The following KANK1 variants were observed in gnomAD, a reference collection of about 807,000 sequenced individuals.
The protein encoded by KANK1 is KN motif and ankyrin repeat domain-containing protein 1.
KANK1 carries 109 observed loss-of-function variants against 106.2 expected under a neutral mutation model. The observed-to-expected ratio is 1.03, with a 90% CI of 0.88 to 1.20. The LOEUF is 1.20. Ranked by LOEUF, KANK1 falls within the 50% of genes most tolerant of loss-of-function variation. The pLI is 0.00. For synonymous variants in KANK1, 873 were observed against 652.2 expected (o/e 1.34, Z -5.16); for missense variants, 2,399 against 1,710.7 (o/e 1.40, Z -7.10).
At chr9:474,441 T>C (rs1407953460) in intron 3 of KANK1, among the ~76,000 whole-genome samples, 1 of 152,226 alleles carries the variant, frequency 6.6e-6, no homozygotes, top group African/African-American at 2.4e-5. Flanking sequence ...ATGAGATGTA[T>C]GAGGGCTAAA....
Position 654,814 on chromosome 9 carries a change from TGAGAGAGAGAGAGAGA to T in KANK1, c.-83-22057_-83-22042del, listed in dbSNP as rs57089042. Among the ~76,000 whole-genome samples the T allele has an allele frequency of 7.2e-4, 58 of 80,528 alleles. 1 individual carries two copies. In the East Asian group the frequency reaches 0.012, roughly 16 times the overall value. The allele number at this position is 80,528 out of a possible 152,430, so 52.8% of individuals were successfully genotyped here. ...CAATATGCATTTGTGTGTGTGTGTG[TGAGAGAGAGAGAGAGA>T]GAGAGAGAGAGAGAGAGATAAAGGG... On this transcript the variant is annotated intron_variant, in intron 1 of 11. Coordinates refer to ENST00000382297, the MANE Select transcript of KANK1 (RefSeq NM_015158.5).
intron 6 of KANK1, 191 bp downstream of exon 6, chr9:732,808 G>A: frequency 1.9e-6 from 1 of 530,732 alleles, no homozygotes; most frequent in African/African-American, 1.9e-5. Context: ...TGGTAGAATG[G>A]CCTGGTACCT....
intron 1 of KANK1, among the ~76,000 whole-genome samples, chr9:524,223 C>A (rs1246787919): frequency 6.6e-6 from 1 of 151,826 alleles, no homozygotes; most frequent in African/African-American, 2.4e-5. Flanking sequence ...CTTCAACTTG[C>A]TGGTGAAGTA....
At chr9:594,721 C>T (rs745444098) in intron 1 of KANK1, among the ~76,000 whole-genome samples, 8 of 151,610 alleles carry the variant, frequency 5.3e-5, no homozygotes, top group African/African-American at 9.8e-5. Flanking sequence ...AAATATTGAA[C>T]GTGATTTCAG....
chr9:625,223 G>C (rs1027456147), intron 1 of KANK1, among the ~76,000 whole-genome samples: 1 of 152,172 alleles, frequency 6.6e-6, no homozygotes, highest in Admixed American at 6.5e-5. Flanking sequence ...GGAAAGATTT[G>C]TTTAAACATA....
At chr9:706,567 GC>G (rs1452137653) in intron 2 of KANK1, among the ~76,000 whole-genome samples, 6 of 69,734 alleles carry the variant, frequency 8.6e-5, no homozygotes, top group Non-Finnish European at 1.9e-4. Flanking sequence ...TCTGTATGTG[GC>G]TTTTTTTTTT....
At chr9:554,036 A>C (rs1022431158) in intron 1 of KANK1, among the ~76,000 whole-genome samples, 1 of 152,172 alleles carries the variant, frequency 6.6e-6, no homozygotes, top group African/African-American at 2.4e-5. Context: ...CATTTTTGAC[A>C]AGTTACCAGC....
At chr9:614,007 A>G (rs1388322123) in intron 1 of KANK1, among the ~76,000 whole-genome samples, 1 of 152,170 alleles carries the variant, frequency 6.6e-6, no homozygotes, top group Non-Finnish European at 1.5e-5. Flanking sequence ...CGCTGTGCAT[A>G]GCGCTCCAAG....
At chr9:529,494 C>T (rs536620448) in intron 1 of KANK1, among the ~76,000 whole-genome samples, 2 of 62,802 alleles carry the variant, frequency 3.2e-5, no homozygotes, top group African/African-American at 1.4e-4. Flanking sequence ...CCACCGCGCC[C>T]GGCCTCATAC....
In KANK1 at chr9:545,080, A is replaced by C. The variant is rs188690875; in HGVS notation, c.-84+40326A>C. 6.5e-3 allele frequency among the ~76,000 whole-genome samples: 995 copies of C among 151,954 alleles called. 6 individuals are homozygous for C. The highest frequency in any genetic ancestry group is 0.01 in the Non-Finnish European group (705 of 67,996). Reference sequence around the variant, plus strand: ...GCGGCTGAGGAGGAGAATCTCTGTGAGTTGATTGAATGGGGAGAGGCAAAC... The same window carrying C: ...GCGGCTGAGGAGGAGAATCTCTGTGCGTTGATTGAATGGGGAGAGGCAAAC... On this transcript the variant is annotated intron_variant, in intron 1 of 11. Transcript: ENST00000382297.
chr9:503,935 C>T (rs899183345), upstream of KANK1, among the ~76,000 whole-genome samples: 25 of 152,336 alleles, frequency 1.6e-4, no homozygotes, highest in African/African-American at 5.8e-4. Context: ...ACCTTCTGAA[C>T]ACGCATCCTC....
At chr9:738,207 A>G in intron 7 of KANK1, 78 bp from the exon 8 acceptor site, 1 of 1,165,866 alleles carries the variant, frequency 8.6e-7, no homozygotes, top group Non-Finnish European at 1.2e-6. Context: ...CTATAAAAGG[A>G]CAGGTTACTT....
At chr9:657,626 G>T (rs1189725745) in intron 1 of KANK1, among the ~76,000 whole-genome samples, 1 of 151,896 alleles carries the variant, frequency 6.6e-6, no homozygotes, top group Admixed American at 6.6e-5. Flanking sequence ...TTTTGATTTG[G>T]TTCTGCCTTT....
chr9:501,912 T>A (rs2058561036), upstream of KANK1, among the ~76,000 whole-genome samples: 1 of 152,234 alleles, frequency 6.6e-6, no homozygotes, highest in African/African-American at 2.4e-5. Context: ...TTTCGCATGT[T>A]ATATTTCAAG....
At chr9:691,590 A>G (rs1295666204) in intron 2 of KANK1, among the ~76,000 whole-genome samples, 1 of 147,744 alleles carries the variant, frequency 6.8e-6, no homozygotes, top group African/African-American at 2.5e-5. Context: ...GAATATAATA[A>G]TGTAACTAAA....
intron 1 of KANK1, among the ~76,000 whole-genome samples, chr9:654,012 C>T (rs536548571): frequency 6.6e-6 from 1 of 152,190 alleles, no homozygotes; most frequent in Non-Finnish European, 1.5e-5. Context: ...GTTCATTATG[C>T]CCTTTCATGC....
intron 1 of KANK1, among the ~76,000 whole-genome samples, chr9:662,634 C>A (rs111536392): frequency 2.0e-5 from 3 of 151,816 alleles, no homozygotes; most frequent in Non-Finnish European, 4.4e-5. Context: ...GCTGAAACTG[C>A]ATCCCTTCCT....
intron 10 of KANK1, among the ~76,000 whole-genome samples, chr9:743,628 G>T (rs1170821519): frequency 2.6e-5 from 4 of 152,160 alleles, no homozygotes; most frequent in Non-Finnish European, 5.9e-5. Flanking sequence ...ACCTTGGGAG[G>T]CTGAGACAGG....
intron 1 of KANK1, among the ~76,000 whole-genome samples, chr9:636,625 T>C (rs1434948795): frequency 6.6e-6 from 1 of 152,228 alleles, no homozygotes. Context: ...CCCAACACTT[T>C]GGGAGGCCAA....
Sources: gnomAD v4.1 joint callset for allele counts (sites outside exome capture counted in the v4.1 genomes callset) on GRCh38, gnomAD v4.1.1 for gene constraint, MANE v1.5 for transcripts, NCBI Gene and HGNC (gene_info 2026-07-23, HGNC 2026-07-21) for gene names.